Variants in BEND5 observed in about 807,000 individuals in gnomAD.
The protein encoded by BEND5 is BEN domain-containing protein 5.
Under a neutral mutation model 43.9 loss-of-function variants are expected in BEND5, and 22 were observed. The ratio of observed to expected loss-of-function variants is 0.50; its 90% CI spans 0.36 to 0.72. The LOEUF (loss-of-function observed/expected upper bound fraction) is 0.72. Among genes scored for constraint, BEND5 ranks in the 30% least tolerant of loss-of-function variants. The probability of loss-of-function intolerance (pLI) is 0.00; values close to 1 mark genes in which losing one functional copy is unlikely to be tolerated. For missense variants in BEND5, 428 were observed against 550.6 expected (o/e 0.78, Z 2.23); for synonymous variants, 228 against 225.9 (o/e 1.01, Z -0.08).
At position 48,733,885 on chromosome 1, in the gene BEND5, G is replaced by A. The variant is rs529734123; in HGVS notation, c.1108+2354C>T. On this transcript the variant is annotated intron_variant, in intron 5 of 5. Coordinates refer to ENST00000371833, the MANE Select transcript of BEND5 (RefSeq NM_024603.4). ...CACTATGTTTGGAAATGAGGCCACA[G>A]AGATGAATCAGATACAGTCCCCAGA... is the stretch of plus-strand genomic sequence containing the variant. Among the ~76,000 whole-genome samples the A allele has an allele frequency of 3.9e-5, 6 of 152,314 alleles. No homozygotes were observed. In the South Asian group the frequency reaches 1.2e-3, roughly 32 times the overall value.
intron 1 of BEND5, among the ~76,000 whole-genome samples, chr1:48,764,488 G>A (rs568027851): frequency 5.0e-4 from 76 of 152,258 alleles, no homozygotes; most frequent in African/African-American, 1.7e-3. Flanking sequence ...AATGGGGAAG[G>A]GGGGGAAATA....
rs1356522477 is a variant in BEND5, at chr1:48,761,446, CT to C, written c.250del (p.Ser84ValfsTer2). On this transcript the variant is annotated frameshift_variant, in exon 2 of 6. Transcript: ENST00000371833. LOFTEE classifies it high-confidence loss of function. ...LAEDKSDLEN[S>X]VMQKKIKIPK... ...GATTTTTATTTTCTTCTGCATCACA[CT>C]GTTTTCAAGGTCAGATTTGTCTTCT... 1 of 1,551,234 alleles carries C rather than the reference CT, an allele frequency of 6.4e-7. No homozygotes were observed. The highest frequency in any genetic ancestry group is 8.7e-7 in the Non-Finnish European group (1 of 1,146,920).
intron 2 of BEND5, chr1:48,760,958 G>A (rs1644226963): frequency 6.0e-6 from 1 of 167,254 alleles, no homozygotes; most frequent in Admixed American, 5.9e-5. Flanking sequence ...TAGCTATCTG[G>A]GGCACTCTGA....
At position 48,776,684 on chromosome 1, in the gene BEND5, C is replaced by T. The variant is rs1322398522; in HGVS notation, c.148G>A (p.Gly50Arg). ...GGGGCGCGCGGGGGGCTCTCGGGCC[C>T]GGCGCCCAATTCCTCCGGGCCCCGG... ...VYRGPEELGA[G>R]PESPPRAPRD... Residue 50 changes from glycine (G) to arginine (R), a missense_variant, in exon 1 of 6, where the codon GGG becomes AGG. By Grantham distance (125) the Gly-to-Arg change is moderately radical. Around this residue, in one of 4 missense-constraint regions of BEND5, gnomAD observed 107 missense variants for 98.8 expected, o/e 1.08. Transcript: ENST00000371833. 1.3e-6 allele frequency: 2 copies of T among 1,513,398 alleles called. No homozygotes were observed. Among genetic ancestry groups the T allele is most frequent in the Non-Finnish European group, 8.8e-7 (1 of 1,132,296 alleles). 93.7% of individuals were successfully genotyped at this position (1,513,398 alleles called of 1,614,324 possible).
chr1:48,735,526 GT>G (rs1235804352), intron 5 of BEND5, among the ~76,000 whole-genome samples: 3 of 138,394 alleles, frequency 2.2e-5, no homozygotes, highest in African/African-American at 9.2e-5. Flanking sequence ...AAGGAAGGAA[GT>G]AAGGAAGGAA....
At chr1:48,752,612 A>G (rs1188666647) in intron 3 of BEND5, among the ~76,000 whole-genome samples, 1 of 152,178 alleles carries the variant, frequency 6.6e-6, no homozygotes, top group Non-Finnish European at 1.5e-5. Flanking sequence ...CTGTAGGACA[A>G]TGGGTGCCTA....
chr1:48,734,496 A>G (rs1025022739), intron 5 of BEND5, among the ~76,000 whole-genome samples: 1 of 151,778 alleles, frequency 6.6e-6, no homozygotes, highest in African/African-American at 2.4e-5. Context: ...TTGCCCTTTG[A>G]CTCCAGCAAA....
chr1:48,757,622 A>G (rs1289326392), intron 3 of BEND5, among the ~76,000 whole-genome samples: 1 of 152,216 alleles, frequency 6.6e-6, no homozygotes, highest in Non-Finnish European at 1.5e-5. Context: ...CTCTCTGCTG[A>G]CTTCTTGGAC....
rs371016402 is a variant in BEND5, at chr1:48,746,974, G to A, written c.746-4203C>T. 4.9e-4 allele frequency among the ~76,000 whole-genome samples: 74 copies of A among 152,318 alleles called. 2 individuals are homozygous for A. The South Asian group carries it at 0.014, about 29-fold the overall frequency. ...AGGGAGAGCAGGGAGGGCCCCTAGT[G>A]CTTTTAATTTAAGAGGGGAGAAAAT... is the stretch of plus-strand genomic sequence containing the variant. On this transcript the variant is annotated intron_variant, in intron 3 of 5. Transcript: ENST00000371833.
intron 3 of BEND5, among the ~76,000 whole-genome samples, chr1:48,749,851 A>G (rs983376737): frequency 6.6e-6 from 1 of 152,212 alleles, no homozygotes; most frequent in African/African-American, 2.4e-5. Flanking sequence ...CCTGTCAAGG[A>G]AGCATTGAAG....
chr1:48,730,759 G>T (rs948818739), intron 5 of BEND5, among the ~76,000 whole-genome samples: 1 of 152,180 alleles, frequency 6.6e-6, no homozygotes, highest in Non-Finnish European at 1.5e-5. Flanking sequence ...GGGAGCATTT[G>T]AGATTATTGC....
intron 1 of BEND5, among the ~76,000 whole-genome samples, chr1:48,762,295 G>A (rs1247906682): frequency 1.3e-5 from 2 of 152,186 alleles, no homozygotes; most frequent in Admixed American, 1.3e-4. Flanking sequence ...CATTCTTTAA[G>A]CTCAACCTAA....
At chr1:48,743,069 A>G (rs1650171343) in intron 3 of BEND5, among the ~76,000 whole-genome samples, 1 of 152,300 alleles carries the variant, frequency 6.6e-6, no homozygotes, top group African/African-American at 2.4e-5. Context: ...CTGCATAGGA[A>G]AGAGGTTCTG....
chr1:48,773,931 G>A (rs1644955544), intron 1 of BEND5, among the ~76,000 whole-genome samples: 1 of 152,208 alleles, frequency 6.6e-6, no homozygotes, highest in Admixed American at 6.5e-5. Context: ...AACTGGGATT[G>A]TAATTTGATA....
At chr1:48,742,452 C>T (rs746822732) in intron 4 of BEND5, among the ~76,000 whole-genome samples, 171 bp downstream of exon 4, 15 of 151,976 alleles carry the variant, frequency 9.9e-5, no homozygotes, top group Non-Finnish European at 2.1e-4. Flanking sequence ...GAGAAAACGC[C>T]CCAGCAAAGC....
chr1:48,756,375 T>C (rs1643927085), intron 3 of BEND5, among the ~76,000 whole-genome samples: 2 of 152,222 alleles, frequency 1.3e-5, no homozygotes, highest in Admixed American at 6.5e-5. Flanking sequence ...ATTTATGTAC[T>C]GTGCTGTCAT....
chr1:48,767,222 C>T (rs1274121470), intron 1 of BEND5, among the ~76,000 whole-genome samples: 1 of 152,146 alleles, frequency 6.6e-6, no homozygotes, highest in East Asian at 1.9e-4. Context: ...GCTAGTTAAC[C>T]TGTCTGAGAC....
At chr1:48,759,357 C>A in intron 2 of BEND5, 73 bp from the exon 3 acceptor site, 2 of 1,496,474 alleles carry the variant, frequency 1.3e-6, no homozygotes, top group East Asian at 2.5e-5. Flanking sequence ...CAATATTTCC[C>A]CAGACAATCC....
At chr1:48,768,241 C>G (rs1423160939) in intron 1 of BEND5, among the ~76,000 whole-genome samples, 1 of 152,074 alleles carries the variant, frequency 6.6e-6, no homozygotes, top group South Asian at 2.1e-4. Context: ...TTGCCTACAC[C>G]CTAAGAGAAT....
Sources: gnomAD v4.1 joint callset for allele counts (sites outside exome capture counted in the v4.1 genomes callset) on GRCh38, gnomAD v4.1.1 for gene constraint, gnomAD v4.1.1 regional missense constraint, MANE v1.5 for transcripts, NCBI Gene and HGNC (gene_info 2026-07-23, HGNC 2026-07-21) for gene names.